Variants in DCAF6 observed in about 807,000 individuals in gnomAD.
DCAF6 encodes the protein DDB1- and CUL4-associated factor 6.
DCAF6 carries 54 observed loss-of-function variants against 125.1 expected under a neutral mutation model. The observed-to-expected ratio is 0.43, with a 90% confidence interval of 0.35 to 0.54. The LOEUF (loss-of-function observed/expected upper bound fraction) is 0.54. DCAF6 is among the 20% of genes least tolerant of loss of function. DCAF6 has a pLI of 0.01. For synonymous variants in DCAF6, 371 were observed against 390.4 expected, an observed-to-expected ratio of 0.95 and a Z score of 0.58; for missense variants, 934 against 1,161.7, an observed-to-expected ratio of 0.80 and a Z score of 2.85.
chr1:167,904,768 A>C, the DCAF6 span: 5 of 628,676 alleles, frequency 8.0e-6, no homozygotes, highest in Non-Finnish European at 1.4e-5. Flanking sequence ...GGACTTGAGC[A>C]TGTTAAAGAT....
intron 4 of DCAF6, among the ~76,000 whole-genome samples, chr1:167,981,777 A>T (rs1463222482): frequency 6.6e-6 from 1 of 152,232 alleles, no homozygotes; most frequent in Non-Finnish European, 1.5e-5. Flanking sequence ...TCAGTCCACC[A>T]TTGATGGGCA....
rs560114027 is a variant in DCAF6 at position 168,009,637 on chromosome 1, A to G, written c.1378+4844A>G. ...CTTCTTACACTTTGTTCTTAGTGTTATTCTCTGTATGCTTGGGAAGCCCTT... is the reference window on the plus strand; with the variant it reads ...CTTCTTACACTTTGTTCTTAGTGTTGTTCTCTGTATGCTTGGGAAGCCCTT... On this transcript the variant is annotated intron_variant, in intron 10 of 21. Coordinates refer to ENST00000367840, the MANE Select transcript of DCAF6 (RefSeq NM_001198956.2). Among the ~76,000 whole-genome samples the G allele has an allele frequency of 4.3e-5, 6 of 139,546 alleles. No individual in the cohort carries two copies. In the South Asian group the frequency reaches 1.4e-3, roughly 31 times the overall value. 91.5% of individuals were successfully genotyped at this position (139,546 alleles called of 152,430 possible). A position where few individuals can be genotyped will look rare whatever the true frequency, so the allele number is the denominator to read the frequency against.
chr1:167,996,821 C>G (rs1681780841), intron 7 of DCAF6, among the ~76,000 whole-genome samples: 1 of 152,074 alleles, frequency 6.6e-6, no homozygotes, highest in Non-Finnish European at 1.5e-5. Flanking sequence ...CCCTGGATAC[C>G]TGGATTTTTT....
intron 2 of DCAF6, among the ~76,000 whole-genome samples, chr1:167,957,954 T>A (rs2102764043): frequency 6.6e-6 from 1 of 152,300 alleles, no homozygotes. Flanking sequence ...TGGAGAAATG[T>A]CTATTTAAAT....
chr1:167,973,070 A>C (rs1166339978), intron 3 of DCAF6, among the ~76,000 whole-genome samples: 2 of 152,362 alleles, frequency 1.3e-5, no homozygotes, highest in African/African-American at 2.4e-5. Context: ...GGCTGTATGT[A>C]GTGTGTAGTT....
intron 7 of DCAF6, among the ~76,000 whole-genome samples, chr1:167,998,042 A>T (rs1378143323): frequency 1.9e-4 from 29 of 152,298 alleles, no homozygotes. Flanking sequence ...ACCCTCAAAA[A>T]ATTAGAGTTA....
intron 1 of DCAF6, among the ~76,000 whole-genome samples, chr1:167,937,415 C>T (rs1016986320): frequency 2.6e-5 from 4 of 152,140 alleles, no homozygotes; most frequent in African/African-American, 4.8e-5. Flanking sequence ...CCCACCCTCT[C>T]CTTCAATCTC....
intron 11 of DCAF6, among the ~76,000 whole-genome samples, chr1:168,017,551 T>C (rs1318386593): frequency 1.3e-5 from 2 of 152,086 alleles, no homozygotes; most frequent in Non-Finnish European, 2.9e-5. Context: ...GTGGTTTCTG[T>C]GAAGTAAGAT....
chr1:167,875,658 A>T, the DCAF6 span, among the ~76,000 whole-genome samples: 22,481 of 152,152 alleles, frequency 0.15, 1,956 homozygotes, highest in Middle Eastern at 0.24. Flanking sequence ...CACTGTTAAG[A>T]AGTACTACTT....
chr1:167,918,164 T>A, the DCAF6 span: 1 of 562,238 alleles, frequency 1.8e-6, no homozygotes, highest in South Asian at 2.5e-5. Flanking sequence ...GAGACTGTTA[T>A]TAAAAGTTTG....
chr1:168,034,037 A>AT (rs1156614871), intron 12 of DCAF6, among the ~76,000 whole-genome samples: 6 of 152,232 alleles, frequency 3.9e-5, no homozygotes, highest in African/African-American at 1.4e-4. Flanking sequence ...CAAAGTGATA[A>AT]TTTTGGCTAC....
chr1:168,033,732 T>A (rs145457574), intron 12 of DCAF6, among the ~76,000 whole-genome samples: 14 of 152,334 alleles, frequency 9.2e-5, no homozygotes, highest in Admixed American at 4.6e-4. Context: ...TGGTCATTGC[T>A]GTGCTTCTGA....
intron 10 of DCAF6, among the ~76,000 whole-genome samples, chr1:168,009,333 TCCTTCCTTCCTC>T (rs1458542307): frequency 6.8e-6 from 1 of 146,794 alleles, no homozygotes; most frequent in African/African-American, 2.6e-5. Context: ...TCTTCTTCTT[TCCTTCCTTCCTC>T]CCTTCCTTCC....
chr1:167,970,583 C>A (rs563484919), intron 3 of DCAF6, among the ~76,000 whole-genome samples: 2 of 152,074 alleles, frequency 1.3e-5, no homozygotes, highest in Admixed American at 1.3e-4. Context: ...AGGCGTTCCA[C>A]CACTACACTC....
chr1:167,878,349 G>T, the DCAF6 span: 3 of 1,404,228 alleles, frequency 2.1e-6, no homozygotes, highest in Non-Finnish European at 3.0e-6. Context: ...TCAACTTTTT[G>T]AACTGGCTCC....
chr1:167,898,494 G>A, the DCAF6 span, among the ~76,000 whole-genome samples: 2 of 152,102 alleles, frequency 1.3e-5, no homozygotes, highest in African/African-American at 4.8e-5. Flanking sequence ...CAGCGACTCG[G>A]AAGGTTGAGG....
chr1:167,874,934 T>C, the DCAF6 span, among the ~76,000 whole-genome samples: 9 of 152,308 alleles, frequency 5.9e-5, 1 homozygote, highest in East Asian at 1.7e-3. Flanking sequence ...TAATCGAGGG[T>C]GTTAGAAGAC....
In DCAF6 at chr1:168,025,100, T is replaced by C. The variant is rs145245480; in HGVS notation, c.1609+2053T>C. Reference sequence around the variant, plus strand: ...TACTCTATAATTAAAGGATTTTTTTTCTAAGGATATATGGATTTAATAATA... The same window carrying C: ...TACTCTATAATTAAAGGATTTTTTTCCTAAGGATATATGGATTTAATAATA... On this transcript the variant is annotated intron_variant, in intron 12 of 21. Transcript: ENST00000367840. Among the ~76,000 whole-genome samples the C allele has an allele frequency of 5.3e-3, 806 of 152,292 alleles. 7 individuals carry two copies. Among genetic ancestry groups the C allele is most frequent in the African/African-American group, 0.017 (723 of 41,566 alleles).
At chr1:167,943,908 G>A (rs61807023) in intron 1 of DCAF6, among the ~76,000 whole-genome samples, 13,329 of 150,960 alleles carry the variant, frequency 0.088, 698 homozygotes, top group South Asian at 0.16. Context: ...GTGAGATCTC[G>A]GCTTACTGCA....
Sources: allele counts gnomAD v4.1 joint callset (sites outside exome capture counted in the v4.1 genomes callset), GRCh38; gene constraint gnomAD v4.1.1; transcripts MANE v1.5; gene names NCBI Gene and HGNC (gene_info 2026-07-23, HGNC 2026-07-21).